EDC4: variants seen among roughly 807,000 people sequenced by gnomAD.
EDC4 encodes enhancer of mRNA decapping 4.
A neutral mutation model predicts 155.8 loss-of-function variants in EDC4; 64 were observed. That is an observed-to-expected ratio of 0.41 (90% CI 0.34 to 0.51). EDC4 has a LOEUF of 0.51. Ranked by LOEUF, EDC4 falls within the 20% of genes least tolerant of loss-of-function variation. The pLI, the probability that EDC4 is intolerant of heterozygous loss-of-function variation, is 0.19. For synonymous variants in EDC4, 684 were observed against 716.8 expected (o/e 0.95, Z 0.73); for missense variants, 1,303 against 1,812.5 (o/e 0.72, Z 5.10).
At chr16:67,873,962 A>G (rs1244158559) in intron 1 of EDC4, among the ~76,000 whole-genome samples, 1 of 152,168 alleles carries the variant, frequency 6.6e-6, no homozygotes, top group African/African-American at 2.4e-5. Flanking sequence ...TTGGCTCTTA[A>G]TGATACCTCA....
rs777959401 is a variant in EDC4 at position 67,881,504 on chromosome 16, G to A, written c.2797G>A (p.Ala933Thr). ...GCTTCTCGCCTATGGCAGGGATGCA[G>A]CCATGGGATCCCGGCTCACAGAGCA... ...RKSKKDDGDA[A>T]MGSRLTEHQV... The change falls in exon 21 of 29, where the codon GCC becomes ACC. Residue 933 changes from alanine (A) to threonine (T), a missense_variant. Transcript: ENST00000358933. The surrounding 1 kb of genome is among the most constrained non-coding windows in gnomAD (Gnocchi z 5.4). 1 of 1,614,096 alleles carries A rather than the reference G, an allele frequency of 6.2e-7. No individual in the cohort carries two copies. Among genetic ancestry groups the A allele is most frequent in the South Asian group, 1.1e-5 (1 of 91,086 alleles).
chr16:67,883,380 T>C lies in EDC4; in HGVS notation c.3850-188T>C. The C allele has an allele frequency of 7.8e-7, 1 of 1,275,706 alleles. No individual in the cohort carries two copies. The highest frequency in any genetic ancestry group is 1.1e-6 in the Non-Finnish European group (1 of 926,560). 79.0% of individuals were successfully genotyped at this position (1,275,706 alleles called of 1,614,324 possible). A position where few individuals can be genotyped will look rare whatever the true frequency, so the allele number is the denominator to read the frequency against. ...CACCTAGCCCACCTTGCTTTACAAC[T>C]ACCCTTCTCAGGAACCCATTTCCCA... On this transcript the variant is annotated intron_variant, in intron 27 of 28. Coordinates refer to ENST00000358933, the MANE Select transcript of EDC4 (RefSeq NM_014329.5). This position sits in a 1 kb window ranked among gnomAD's most constrained non-coding sequence, Gnocchi z 5.3.
In EDC4 at chr16:67,882,520, T is replaced by TGCCGG. The variant is rs1158363285; in HGVS notation, c.3369_3373dup (p.Ala1125GlyfsTer30). On this transcript the variant is annotated frameshift_variant, in exon 25 of 29. Coordinates refer to ENST00000358933, the MANE Select transcript of EDC4 (RefSeq NM_014329.5). LOFTEE classifies it high-confidence loss of function. This position sits in a 1 kb window ranked among gnomAD's most constrained non-coding sequence, Gnocchi z 7.2. ...CGGGAAGCCTTCCAGAGTGTGGTGC[T>TGCCGG]GCCGGCCTTTGAGAAGAGCTGCCAG... The TGCCGG allele has an allele frequency of 1.2e-6, 2 of 1,614,098 alleles. No individual in the cohort carries two copies.
At position 67,877,683 on chromosome 16, in the gene EDC4, C is replaced by T. The variant is rs760517046; in HGVS notation, c.789+27C>T. 6.2e-6 allele frequency: 10 copies of T among 1,613,910 alleles called. No individual in the cohort carries two copies. Among genetic ancestry groups the T allele is most frequent in the East Asian group, 4.5e-5 (2 of 44,876 alleles). ...TGAGGGGGCTGACATGGCGAAGAGG[C>T]GCCAGAGAAGCCATAGTGTGGGGTT... On this transcript the variant is annotated intron_variant, in intron 6 of 28. Coordinates refer to ENST00000358933, the MANE Select transcript of EDC4 (RefSeq NM_014329.5). The surrounding 1 kb of genome is among the most constrained non-coding windows in gnomAD (Gnocchi z 4.9).
rs2058064986 is a variant in EDC4, at chr16:67,880,988, A to C, written c.2529A>C (p.Glu843Asp). 1 of 1,613,436 alleles carries C rather than the reference A, an allele frequency of 6.2e-7. No homozygotes were observed. Among genetic ancestry groups the C allele is most frequent in the Non-Finnish European group, 8.5e-7 (1 of 1,179,674 alleles). Reference protein sequence around the residue: ...ITRETCSTLAESPRNGLQEKH... With the variant: ...ITRETCSTLADSPRNGLQEKH... Reference sequence around the variant, plus strand: ...GTGAGACCTGCAGCACCCTGGCAGAAAGGTGAGGAGCTTGGGAGGGGAAAA... The same window carrying C: ...GTGAGACCTGCAGCACCCTGGCAGACAGGTGAGGAGCTTGGGAGGGGAAAA... The change falls in exon 18 of 29, where the codon GAA becomes GAC. Residue 843 changes from glutamate (E) to aspartate (D), a missense_variant and splice_region_variant. By Grantham distance (45) the Glu-to-Asp change is conservative (BLOSUM62 2). This residue lies in a region of EDC4 where 527 missense variants were observed against 757.0 expected (regional missense o/e 0.70). Coordinates refer to ENST00000358933, the MANE Select transcript of EDC4 (RefSeq NM_014329.5). This position sits in a 1 kb window ranked among gnomAD's most constrained non-coding sequence, Gnocchi z 5.2.
rs1428849036 is a variant in EDC4 at position 67,882,119 on chromosome 16, G to A, written c.3160+10G>A. The A allele has an allele frequency of 6.2e-7, 1 of 1,613,730 alleles. No homozygotes were observed. Among genetic ancestry groups the A allele is most frequent in the Non-Finnish European group, 8.5e-7 (1 of 1,179,986 alleles). Reference sequence around the variant, plus strand: ...AAGACAGTCCCTCCATGTGAGTTTTGCATGCAGACTCCCTTTGGGTGGTTC... The same window carrying A: ...AAGACAGTCCCTCCATGTGAGTTTTACATGCAGACTCCCTTTGGGTGGTTC... On this transcript the variant is annotated intron_variant, in intron 23 of 28. Coordinates refer to ENST00000358933, the MANE Select transcript of EDC4 (RefSeq NM_014329.5). The surrounding 1 kb of genome is among the most constrained non-coding windows in gnomAD (Gnocchi z 7.2).
Position 67,880,102 on chromosome 16 carries a change from G to A in EDC4, c.1983G>A (p.Leu661=), listed in dbSNP as rs766034356. 2 of 1,612,134 alleles carry A rather than the reference G, an allele frequency of 1.2e-6. No individual in the cohort carries two copies. The highest frequency in any genetic ancestry group is 1.7e-5 in the Admixed American group (1 of 59,912). Residue 661 remains leucine (L), a synonymous_variant, in exon 17 of 29, where the codon CTG becomes CTA. Coordinates refer to ENST00000358933, the MANE Select transcript of EDC4 (RefSeq NM_014329.5). This position sits in a 1 kb window ranked among gnomAD's most constrained non-coding sequence, Gnocchi z 5.2. ...TGACCTTGAGCCCCAAGCTGCAGCT[G>A]GATGGCAGCCTGACAATGAGCAGCA... ...EELTLSPKLQ[L]DGSLTMSSSG... is the part of the protein sequence containing the mutation.
In EDC4 at chr16:67,882,600, T is replaced by TG; in HGVS notation, c.3442+10dup. On this transcript the variant is annotated splice_region_variant and intron_variant, in intron 25 of 28. Coordinates refer to ENST00000358933, the MANE Select transcript of EDC4 (RefSeq NM_014329.5). This position sits in a 1 kb window ranked among gnomAD's most constrained non-coding sequence, Gnocchi z 7.2. ...CCGGCTGGGGACACAGGAATGTGAGTGGGGTCATATGGCCCAAGGTGGGAG... is the reference window on the plus strand; with the variant it reads ...CCGGCTGGGGACACAGGAATGTGAGTGGGGGTCATATGGCCCAAGGTGGGAG... 1 of 1,614,046 alleles carries TG rather than the reference T, an allele frequency of 6.2e-7. No individual in the cohort carries two copies.
Position 67,883,530 on chromosome 16 carries a change from A to G in EDC4, c.3850-38A>G. 1 of 1,606,460 alleles carries G rather than the reference A, an allele frequency of 6.2e-7. No individual in the cohort carries two copies. Among genetic ancestry groups the G allele is most frequent in the South Asian group, 1.1e-5 (1 of 90,988 alleles). On this transcript the variant is annotated intron_variant, in intron 27 of 28. Coordinates refer to ENST00000358933, the MANE Select transcript of EDC4 (RefSeq NM_014329.5). This position sits in a 1 kb window ranked among gnomAD's most constrained non-coding sequence, Gnocchi z 5.3. The stretch of plus-strand genomic sequence containing the variant: ...TCAGACAAGCAGACATTCCATCCTG[A>G]TATTTGCTATAAACACTGCTGCTTT...
At position 67,876,455 on chromosome 16, in the gene EDC4, C is replaced by A; in HGVS notation, c.240-33C>A. On this transcript the variant is annotated intron_variant, in intron 2 of 28. Coordinates refer to ENST00000358933, the MANE Select transcript of EDC4 (RefSeq NM_014329.5). This position sits in a 1 kb window ranked among gnomAD's most constrained non-coding sequence, Gnocchi z 5.8. ...CCTGCCCGCTGAGCCTTTGGGTGAACAAGAGGCAAAGTTTTTGCACTCTTC... is the reference window on the plus strand; with the variant it reads ...CCTGCCCGCTGAGCCTTTGGGTGAAAAAGAGGCAAAGTTTTTGCACTCTTC... The A allele has an allele frequency of 6.2e-6, 10 of 1,610,082 alleles. No homozygotes were observed. The highest frequency in any genetic ancestry group is 8.5e-6 in the Non-Finnish European group (10 of 1,177,574).
At position 67,881,478 on chromosome 16, in the gene EDC4, T is replaced by G. The variant is rs1598178156; in HGVS notation, c.2790-19T>G. The G allele has an allele frequency of 1.9e-6, 3 of 1,614,052 alleles. No homozygotes were observed. The South Asian group carries it at 3.3e-5, about 18-fold the overall frequency. ...CTAGGCTGCCTCACATAGCCTGAGG[T>G]GCTTCTCGCCTATGGCAGGGATGCA... On this transcript the variant is annotated intron_variant, in intron 20 of 28. Coordinates refer to ENST00000358933, the MANE Select transcript of EDC4 (RefSeq NM_014329.5). The surrounding 1 kb of genome is among the most constrained non-coding windows in gnomAD (Gnocchi z 5.4).
Position 67,879,960 on chromosome 16 carries a change from C to G in EDC4, c.1932C>G (p.Pro644=). Residue 644 remains proline (P), a synonymous_variant, in exon 16 of 29, where the codon CCC becomes CCG. Transcript: ENST00000358933. This position sits in a 1 kb window ranked among gnomAD's most constrained non-coding sequence, Gnocchi z 6.0. ...SAMSSTSAVD[P]SLTRPPEELT... is the part of the protein sequence containing the mutation. ...TGAGCAGCACCTCAGCTGTGGACCC[C>G]TCCTTGACCAGGTGAGGCAAGGGTC... 6.2e-7 allele frequency: 1 copy of G among 1,609,330 alleles called. No individual in the cohort carries two copies. Among genetic ancestry groups the G allele is most frequent in the Middle Eastern group, 1.7e-4 (1 of 6,046 alleles).
In EDC4 at chr16:67,880,557, G is replaced by A. The variant is rs959006794; in HGVS notation, c.2098G>A (p.Val700Met). The change falls in exon 18 of 29, where the codon GTG becomes ATG. Residue 700 changes from valine to methionine, a missense_variant and splice_region_variant. This residue lies in a region of EDC4 where 391 missense variants were observed against 445.4 expected (regional missense o/e 0.88). Coordinates refer to ENST00000358933, the MANE Select transcript of EDC4 (RefSeq NM_014329.5). This position sits in a 1 kb window ranked among gnomAD's most constrained non-coding sequence, Gnocchi z 5.2. ...DKLTPKGPGQ[V>M]PTATSALSLE... ...AGCCCCCATCTTTGGCCCACCTCAG[G>A]TGCCTACTGCCACCTCTGCACTGTC... 1 of 1,612,298 alleles carries A rather than the reference G, an allele frequency of 6.2e-7. No individual in the cohort carries two copies. Among genetic ancestry groups the A allele is most frequent in the East Asian group, 2.2e-5 (1 of 44,824 alleles).
intron 1 of EDC4, among the ~76,000 whole-genome samples, chr16:67,875,495 T>C (rs1394998626): frequency 6.6e-6 from 1 of 152,182 alleles, no homozygotes. Flanking sequence ...TTGAAACTCT[T>C]TATGGTTCTC....
In EDC4 at chr16:67,873,349, C is replaced by A; in HGVS notation, c.82+6C>A. 2.1e-6 allele frequency: 3 copies of A among 1,436,142 alleles called. No homozygotes were observed. Among genetic ancestry groups the A allele is most frequent in the Non-Finnish European group, 2.7e-6 (3 of 1,099,282 alleles). 89.0% of individuals were successfully genotyped at this position (1,436,142 alleles called of 1,614,324 possible). A position where few individuals can be genotyped will look rare whatever the true frequency, so the allele number is the denominator to read the frequency against. ...GCTGGACCGGCCCGCGGGCGGTGAG[C>A]GGGGGTTGCGGGGGTGGGCCCCAGG... On this transcript the variant is annotated splice_donor_region_variant and intron_variant, in intron 1 of 28. Coordinates refer to ENST00000358933, the MANE Select transcript of EDC4 (RefSeq NM_014329.5).
chr16:67,873,090 T>TGGGGTTGGC lies in EDC4; in HGVS notation c.-167_-159dup, dbSNP rs1178825336. 4.5e-6 allele frequency: 2 copies of TGGGGTTGGC among 444,704 alleles called. No homozygotes were observed. Among genetic ancestry groups the TGGGGTTGGC allele is most frequent in the African/African-American group, 4.1e-5 (2 of 48,594 alleles). The allele number at this position is 444,704 out of a possible 1,614,324, so 27.5% of individuals were successfully genotyped here. A position where few individuals can be genotyped will look rare whatever the true frequency, so the allele number is the denominator to read the frequency against. On this transcript the variant is annotated 5_prime_UTR_variant, in exon 1 of 29. Coordinates refer to ENST00000358933, the MANE Select transcript of EDC4 (RefSeq NM_014329.5). The stretch of plus-strand genomic sequence containing the variant: ...GGGTGCCGGAAGTGGAGGCGGTTGG[T>TGGGGTTGGC]GGGGTTGGCGGGGCTCAGCGACGCT...
rs2058027979 is a variant in EDC4 at position 67,873,343 on chromosome 16, G to A, written c.82G>A (p.Gly28Ser). ...CCTCAAGCTGGACCGGCCCGCGGGC[G>A]GTGAGCGGGGGTTGCGGGGGTGGGC... is the stretch of plus-strand genomic sequence containing the variant. ...DILKLDRPAG[G>S]PSAESPRPSS... is the part of the protein sequence containing the mutation. The change falls in exon 1 of 29, where the codon GGC becomes AGC. Residue 28 changes from glycine (G) to serine (S), a missense_variant and splice_region_variant. By Grantham distance (56) the Gly-to-Ser change is moderately conservative (BLOSUM62 0). Coordinates refer to ENST00000358933, the MANE Select transcript of EDC4 (RefSeq NM_014329.5). 1.4e-6 allele frequency: 2 copies of A among 1,448,940 alleles called. No homozygotes were observed. The highest frequency in any genetic ancestry group is 1.4e-5 in the South Asian group (1 of 73,978). The allele number at this position is 1,448,940 out of a possible 1,614,324, so 89.8% of individuals were successfully genotyped here.
Position 67,880,852 on chromosome 16 carries a change from G to A in EDC4, c.2393G>A (p.Gly798Asp), listed in dbSNP as rs773596860. 1 of 1,613,966 alleles carries A rather than the reference G, an allele frequency of 6.2e-7. No individual in the cohort carries two copies. Among genetic ancestry groups the A allele is most frequent in the Admixed American group, 1.7e-5 (1 of 60,032 alleles). The change falls in exon 18 of 29, where the codon GGC becomes GAC. Residue 798 changes from glycine (G) to aspartate (D), a missense_variant. By Grantham distance (94) the Gly-to-Asp change is moderately conservative. Transcript: ENST00000358933. This position sits in a 1 kb window ranked among gnomAD's most constrained non-coding sequence, Gnocchi z 5.2. Reference sequence around the variant, plus strand: ...GGCCCCCAGCTCGGGCTTGATGGAGGCCCTGGGGATGGAGATCGGCATAAT... The same window carrying A: ...GGCCCCCAGCTCGGGCTTGATGGAGACCCTGGGGATGGAGATCGGCATAAT... ...ELGPQLGLDGGPGDGDRHNTP... is the reference protein window; with the variant it reads ...ELGPQLGLDGDPGDGDRHNTP...
chr16:67,878,842 A>G lies in EDC4; in HGVS notation c.1287+3A>G. 1 of 1,613,404 alleles carries G rather than the reference A, an allele frequency of 6.2e-7. No individual in the cohort carries two copies. Among genetic ancestry groups the G allele is most frequent in the Non-Finnish European group, 8.5e-7 (1 of 1,180,016 alleles). On this transcript the variant is annotated splice_donor_region_variant and intron_variant, in intron 11 of 28. Transcript: ENST00000358933. This position sits in a 1 kb window ranked among gnomAD's most constrained non-coding sequence, Gnocchi z 5.2. ...TTCTCAGCGATGTGCAACGGAAGGT[A>G]GGCTGCCATGGGGTACCCTGGGCAG... is the stretch of plus-strand genomic sequence containing the variant.
Sources: allele counts gnomAD v4.1 joint callset (sites outside exome capture counted in the v4.1 genomes callset), GRCh38; gene constraint gnomAD v4.1.1; regional missense constraint gnomAD v4.1.1; non-coding constraint Gnocchi (gnomAD v3.1); transcripts MANE v1.5; gene names NCBI Gene and HGNC (gene_info 2026-07-23, HGNC 2026-07-21).